CD2AP: variants seen among roughly 807,000 people sequenced by gnomAD.
CD2AP encodes the protein CD2-associated protein.
Under a neutral mutation model 85.1 loss-of-function variants are expected in CD2AP, and 46 were observed. The ratio of observed to expected loss-of-function variants is 0.54; its 90% CI spans 0.43 to 0.69. CD2AP has a LOEUF of 0.69. Ranked by LOEUF, CD2AP falls within the 30% of genes least tolerant of loss-of-function variation. The pLI, the probability that CD2AP is intolerant of heterozygous loss-of-function variation, is 0.00. For missense variants in CD2AP, 769 were observed against 729.5 expected, an observed-to-expected ratio of 1.05 and a Z score of -0.62; for synonymous variants, 255 against 252.9, an observed-to-expected ratio of 1.01 and a Z score of -0.08.
At position 47,582,004 on chromosome 6, in the gene CD2AP, T is replaced by C; in HGVS notation, c.1047T>C (p.Ala349=). The change falls in exon 11 of 18, where the codon GCT becomes GCC. Residue 349 remains alanine, a splice_region_variant and synonymous_variant. Transcript: ENST00000359314. ...AAGTATTAATGTTTTTTCCCATAGCTCCAAAGCCTGAACTGATAGCTGCAG... is the reference window on the plus strand; with the variant it reads ...AAGTATTAATGTTTTTTCCCATAGCCCCAAAGCCTGAACTGATAGCTGCAG... ...KKPPPPAKAP[A]PKPELIAAEK... is the part of the protein sequence containing the mutation. 1.9e-6 allele frequency: 3 copies of C among 1,599,526 alleles called. No individual in the cohort carries two copies. Among genetic ancestry groups the C allele is most frequent in the Non-Finnish European group, 2.6e-6 (3 of 1,166,928 alleles).
chr6:47,595,885 A>G lies in CD2AP; in HGVS notation c.1133A>G (p.Lys378Arg), dbSNP rs1489823627. The change falls in exon 12 of 18, where the codon AAA becomes AGA. Residue 378 changes from lysine (K) to arginine (R), a missense_variant. Coordinates refer to ENST00000359314, the MANE Select transcript of CD2AP (RefSeq NM_012120.3). ...GATGAAAAATCAACACTGGAACAGA[A>G]ACCTTCTAAACCAGCAGCTCCACAA... ...EKDEKSTLEQ[K>R]PSKPAAPQVP... The G allele has an allele frequency of 6.2e-7, 1 of 1,612,626 alleles. No individual in the cohort carries two copies. Among genetic ancestry groups the G allele is most frequent in the African/African-American group, 1.3e-5 (1 of 74,822 alleles).
At chr6:47,607,792 T>G (rs1769314634) in intron 14 of CD2AP, 135 bp from the exon 15 acceptor site, 4 of 630,662 alleles carry the variant, frequency 6.3e-6, no homozygotes, top group Non-Finnish European at 8.4e-6. Flanking sequence ...TATAGCATCC[T>G]ATTAATAATA....
At chr6:47,508,687 G>A (rs1766243589) in intron 2 of CD2AP, among the ~76,000 whole-genome samples, 1 of 151,948 alleles carries the variant, frequency 6.6e-6, no homozygotes. Flanking sequence ...TGGGATTACA[G>A]GGGCGTGCCA....
chr6:47,510,136 A>G (rs191779070), intron 2 of CD2AP, among the ~76,000 whole-genome samples: 98 of 152,338 alleles, frequency 6.4e-4, no homozygotes, highest in Non-Finnish European at 1.3e-3. Context: ...AAAATTAACC[A>G]CAGGTTACTA....
At chr6:47,567,237 C>A (rs1475674431) in intron 5 of CD2AP, among the ~76,000 whole-genome samples, 1 of 151,910 alleles carries the variant, frequency 6.6e-6, no homozygotes, top group Non-Finnish European at 1.5e-5. Flanking sequence ...ACGTTCAGCT[C>A]TTTGAGGGTT....
At chr6:47,512,210 C>T (rs1766336596) in intron 2 of CD2AP, among the ~76,000 whole-genome samples, 1 of 151,320 alleles carries the variant, frequency 6.6e-6, no homozygotes, top group Admixed American at 6.6e-5. Context: ...GGAGTGGTGA[C>T]ATGCGCCTGT....
intron 1 of CD2AP, 66 bp from the exon 2 acceptor site, chr6:47,503,214 A>G: frequency 7.1e-7 from 1 of 1,410,436 alleles, no homozygotes. Context: ...TTTTAAATTT[A>G]TTAATATAGT....
intron 11 of CD2AP, among the ~76,000 whole-genome samples, chr6:47,584,400 A>G (rs899915535): frequency 6.8e-6 from 1 of 148,114 alleles, no homozygotes; most frequent in Non-Finnish European, 1.5e-5. Flanking sequence ...TGAAAGTTGT[A>G]AGGTCATTGT....
chr6:47,505,726 C>T (rs1766136225), intron 2 of CD2AP, among the ~76,000 whole-genome samples: 3 of 76,216 alleles, frequency 3.9e-5, no homozygotes, highest in Non-Finnish European at 9.8e-5. Flanking sequence ...CTGAGGGGCT[C>T]CTCACTTCCC....
At chr6:47,578,907 T>C (rs1417691873) in intron 8 of CD2AP, among the ~76,000 whole-genome samples, 1 of 152,170 alleles carries the variant, frequency 6.6e-6, no homozygotes, top group Non-Finnish European at 1.5e-5. Flanking sequence ...TCCACCCACC[T>C]CAGCCTCCTA....
At chr6:47,566,317 T>C (rs1265794510) in intron 5 of CD2AP, among the ~76,000 whole-genome samples, 6 of 92,950 alleles carry the variant, frequency 6.5e-5, no homozygotes, top group Non-Finnish European at 8.1e-5. Context: ...TATATATATA[T>C]ATATATACAC....
chr6:47,606,866 T>C (rs951812505), intron 14 of CD2AP, among the ~76,000 whole-genome samples: 1 of 152,050 alleles, frequency 6.6e-6, no homozygotes, highest in Non-Finnish European at 1.5e-5. Flanking sequence ...ATTAAATTAT[T>C]TTTGACTAGT....
intron 13 of CD2AP, among the ~76,000 whole-genome samples, chr6:47,601,634 A>T (rs1171548553): frequency 6.6e-6 from 1 of 151,964 alleles, no homozygotes; most frequent in African/African-American, 2.4e-5. Flanking sequence ...TTTAAATTAG[A>T]CGATCATATG....
chr6:47,605,969 A>G (rs1011186809), intron 13 of CD2AP, among the ~76,000 whole-genome samples, 196 bp from the exon 14 acceptor site: 15 of 145,514 alleles, frequency 1.0e-4, no homozygotes, highest in African/African-American at 3.7e-4. Flanking sequence ...TGTATCAGGT[A>G]AAGAGGATTT....
intron 11 of CD2AP, among the ~76,000 whole-genome samples, chr6:47,585,006 A>G (rs1297230596): frequency 6.6e-6 from 1 of 152,066 alleles, no homozygotes; most frequent in African/African-American, 2.4e-5. Context: ...TTATAAATAA[A>G]TTGGAGGCCG....
intron 1 of CD2AP, among the ~76,000 whole-genome samples, chr6:47,491,668 CA>C (rs2113967806): frequency 6.6e-6 from 1 of 151,876 alleles, no homozygotes; most frequent in East Asian, 1.9e-4. Flanking sequence ...TTTTTATTGT[CA>C]AAATAATGCA....
chr6:47,532,021 A>C (rs1766892690), intron 2 of CD2AP, among the ~76,000 whole-genome samples: 1 of 151,930 alleles, frequency 6.6e-6, no homozygotes, highest in Non-Finnish European at 1.5e-5. Context: ...TGCAGTGACC[A>C]GAGATCGCGC....
intron 4 of CD2AP, among the ~76,000 whole-genome samples, chr6:47,549,443 G>T (rs1223177842): frequency 8.8e-6 from 1 of 113,638 alleles, no homozygotes; most frequent in Non-Finnish European, 1.8e-5. Flanking sequence ...AGAACTCAAC[G>T]CCTTTTACAA....
At chr6:47,501,647 ATTG>A (rs1052588367) in intron 1 of CD2AP, among the ~76,000 whole-genome samples, 27 of 149,792 alleles carry the variant, frequency 1.8e-4, no homozygotes, top group African/African-American at 5.9e-4. Context: ...GGTGGTTGTG[ATTG>A]TTGTTGTGGT....
Sources: gnomAD v4.1 joint callset for allele counts (sites outside exome capture counted in the v4.1 genomes callset) on GRCh38, gnomAD v4.1.1 for gene constraint, MANE v1.5 for transcripts, NCBI Gene and HGNC (gene_info 2026-07-23, HGNC 2026-07-21) for gene names.